The following ADK variants were observed in gnomAD, a reference collection of about 807,000 sequenced individuals.
ADK encodes N6,N6-dimethyladenosine kinase.
ADK carries 24 observed loss-of-function variants against 44.7 expected under a neutral mutation model. That is an observed-to-expected ratio of 0.54 (90% CI 0.39 to 0.76). The LOEUF (loss-of-function observed/expected upper bound fraction) is 0.76, where lower values mean the gene tolerates loss of function less well. Among genes scored for constraint, ADK ranks in the 30% least tolerant of loss-of-function variants. The pLI, the probability that ADK is intolerant of heterozygous loss-of-function variation, is 0.00. For missense variants in ADK, 321 were observed against 425.1 expected (o/e 0.76, Z 2.15); for synonymous variants, 128 against 142.6 (o/e 0.90, Z 0.73).
chr10:74,521,441 A>G (rs1848832679), intron 6 of ADK, among the ~76,000 whole-genome samples: 1 of 152,194 alleles, frequency 6.6e-6, no homozygotes. Flanking sequence ...AGTGTTCTGT[A>G]CCTTAAATTA....
intron 4 of ADK, among the ~76,000 whole-genome samples, chr10:74,363,460 A>C (rs1018075736): frequency 1.3e-5 from 2 of 151,808 alleles, no homozygotes; most frequent in African/African-American, 4.8e-5. Context: ...TGTGCTTGTC[A>C]TGTTGGCTCA....
intron 10 of ADK, among the ~76,000 whole-genome samples, chr10:74,695,089 C>T (rs1246770537): frequency 6.6e-6 from 1 of 151,974 alleles, no homozygotes; most frequent in Non-Finnish European, 1.5e-5. Flanking sequence ...AAGTTTCCAC[C>T]TTTTCTCTAT....
intron 4 of ADK, among the ~76,000 whole-genome samples, chr10:74,335,605 G>A (rs1413678941): frequency 6.6e-6 from 1 of 152,106 alleles, no homozygotes; most frequent in Non-Finnish European, 1.5e-5. Context: ...TTTACTAGAT[G>A]TATTGCCAAA....
chr10:74,380,106 C>T (rs1842933066), intron 4 of ADK, among the ~76,000 whole-genome samples: 1 of 152,170 alleles, frequency 6.6e-6, no homozygotes, highest in African/African-American at 2.4e-5. Context: ...CATAGCATTT[C>T]TTACAATTAT....
At chr10:74,432,652 T>G (rs184056600) in intron 6 of ADK, among the ~76,000 whole-genome samples, 6 of 152,336 alleles carry the variant, frequency 3.9e-5, no homozygotes, top group African/African-American at 1.4e-4. Context: ...ATCTATAACG[T>G]CTGTTACTTA....
intron 2 of ADK, among the ~76,000 whole-genome samples, chr10:74,208,425 C>T (rs1036091583): frequency 8.5e-5 from 13 of 152,336 alleles, no homozygotes; most frequent in African/African-American, 2.6e-4. Context: ...GCTGGGAGCT[C>T]GAGTAACTTC....
chr10:74,600,559 T>C (rs1852086670), intron 9 of ADK, 66 bp downstream of exon 9: 1 of 957,010 alleles, frequency 1.0e-6, no homozygotes, highest in Non-Finnish European at 1.6e-6. Flanking sequence ...AAAAAAATTC[T>C]GTATTCTTTC....
At chr10:74,215,940 G>A (rs997787484) in intron 2 of ADK, among the ~76,000 whole-genome samples, 2 of 152,154 alleles carry the variant, frequency 1.3e-5, no homozygotes, top group African/African-American at 4.8e-5. Context: ...ACAGGCGTGA[G>A]CCACCGCGCC....
At chr10:74,424,968 ATATT>A (rs1171516206) in intron 6 of ADK, among the ~76,000 whole-genome samples, 2 of 152,144 alleles carry the variant, frequency 1.3e-5, no homozygotes, top group Non-Finnish European at 2.9e-5. Context: ...GCCTAGCCTA[ATATT>A]TAAAGCTTAT....
At chr10:74,429,993 T>G (rs992518916) in intron 6 of ADK, among the ~76,000 whole-genome samples, 4 of 152,216 alleles carry the variant, frequency 2.6e-5, no homozygotes, top group Admixed American at 2.6e-4. Flanking sequence ...GTAATTCCTT[T>G]ACCTCAAACA....
chr10:74,538,256 A>G (rs1218411984), intron 7 of ADK, among the ~76,000 whole-genome samples: 1 of 129,220 alleles, frequency 7.7e-6, no homozygotes, highest in Non-Finnish European at 1.6e-5. Context: ...TCCGTCTCAC[A>G]AAAAAAAAAA....
intron 10 of ADK, among the ~76,000 whole-genome samples, chr10:74,678,724 G>A (rs1855495975): frequency 6.6e-6 from 1 of 152,176 alleles, no homozygotes; most frequent in Non-Finnish European, 1.5e-5. Context: ...TAGTTGCAGA[G>A]GTCCACAGGA....
intron 4 of ADK, among the ~76,000 whole-genome samples, chr10:74,330,177 T>A (rs1389130364): frequency 6.6e-6 from 1 of 152,074 alleles, no homozygotes; most frequent in Non-Finnish European, 1.5e-5. Context: ...CAAAACCAAA[T>A]AATAATTTTT....
At chr10:74,243,251 C>T (rs760885966) in intron 3 of ADK, among the ~76,000 whole-genome samples, 1 of 152,180 alleles carries the variant, frequency 6.6e-6, no homozygotes, top group Non-Finnish European at 1.5e-5. Flanking sequence ...CTCGCTGGCT[C>T]CTGGAGCAGC....
At chr10:74,352,960 T>C (rs1842014584) in intron 4 of ADK, among the ~76,000 whole-genome samples, 2 of 152,176 alleles carry the variant, frequency 1.3e-5, no homozygotes, top group Non-Finnish European at 2.9e-5. Context: ...TTTTACACTG[T>C]TGGTGGGAGT....
intron 4 of ADK, among the ~76,000 whole-genome samples, chr10:74,382,993 C>T (rs939402119): frequency 6.6e-6 from 1 of 151,710 alleles, no homozygotes; most frequent in African/African-American, 2.4e-5. Context: ...ATGATAGGGG[C>T]CCCTGGACTT....
At chr10:74,272,548 T>C (rs563500136) in intron 3 of ADK, among the ~76,000 whole-genome samples, 1 of 152,340 alleles carries the variant, frequency 6.6e-6, no homozygotes, top group East Asian at 1.9e-4. Flanking sequence ...GTTCTGGGAT[T>C]ACAGGCATGA....
At chr10:74,382,964 C>T (rs1022742882) in intron 4 of ADK, among the ~76,000 whole-genome samples, 1 of 151,792 alleles carries the variant, frequency 6.6e-6, no homozygotes, top group African/African-American at 2.4e-5. Flanking sequence ...TCCCCCCCTC[C>T]TCTCACACAT....
At chr10:74,550,308 C>T (rs112602604) in intron 7 of ADK, among the ~76,000 whole-genome samples, 3,726 of 151,820 alleles carry the variant, frequency 0.025, 137 homozygotes, top group African/African-American at 0.073. Flanking sequence ...TGACCTCAGG[C>T]GATCCTCCCG....
Sources: gnomAD v4.1 joint callset for allele counts (sites outside exome capture counted in the v4.1 genomes callset) on GRCh38, gnomAD v4.1.1 for gene constraint, MANE v1.5 for transcripts, NCBI Gene and HGNC (gene_info 2026-07-23, HGNC 2026-07-21) for gene names.